The following RTKN variants were observed in gnomAD, a reference collection of about 807,000 sequenced individuals.
The protein encoded by RTKN is rhotekin.
A neutral mutation model predicts 63.5 loss-of-function variants in RTKN; 49 were observed. The observed-to-expected ratio is 0.77, with a 90% CI of 0.61 to 0.98. The LOEUF is 0.98. Among genes scored for constraint, RTKN ranks in the 50% least tolerant of loss-of-function variants. RTKN has a pLI of 0.00. For synonymous variants in RTKN, 295 were observed against 290.4 expected (o/e 1.02, Z -0.16); for missense variants, 685 against 740.8 (o/e 0.92, Z 0.87).
intron 1 of RTKN, chr2:74,439,522 G>A (rs1302730752): frequency 6.2e-7 from 1 of 1,611,664 alleles, no homozygotes; most frequent in Non-Finnish European, 8.5e-7. Context: ...AAGTGAAGGA[G>A]GTGTGTACTC....
intron 9 of RTKN, chr2:74,427,959 A>C: frequency 6.1e-6 from 3 of 493,008 alleles, no homozygotes; most frequent in Non-Finnish European, 7.3e-6. Flanking sequence ...AGAAATGGGA[A>C]GTGGTAAAGT....
At chr2:74,426,874 CAGA>C (rs990698802) in intron 11 of RTKN, 123 of 1,342,426 alleles carry the variant, frequency 9.2e-5, no homozygotes, top group Non-Finnish European at 1.1e-4. Flanking sequence ...AGTGAGGGGT[CAGA>C]AGAAGAGACA....
chr2:74,427,255 C>G lies in RTKN; in HGVS notation c.1274G>C (p.Cys425Ser). Residue 425 changes from cysteine to serine, a missense_variant, in exon 11 of 12, where the codon TGT becomes TCT. By Grantham distance (112) the Cys-to-Ser change is moderately radical (BLOSUM62 -1). Transcript: ENST00000272430. ...FFDMSQWKQC[C>S]DEIMKIETPA... ...AGTTTCAATTTTCATGATTTCATCA[C>G]AGCACTGCTTCCATTGGCCTGGAAG... is the stretch of plus-strand genomic sequence containing the variant. 1 of 1,614,200 alleles carries G rather than the reference C, an allele frequency of 6.2e-7. No homozygotes were observed.
intron 10 of RTKN, 59 bp downstream of exon 10, chr2:74,427,365 G>A (rs199988994): frequency 4.4e-6 from 7 of 1,608,018 alleles, no homozygotes; most frequent in Non-Finnish European, 5.9e-6. Context: ...GAGGCCTTTA[G>A]TAAAAATGAC....
chr2:74,440,507 G>T (rs753141480), intron 1 of RTKN: 6 of 986,738 alleles, frequency 6.1e-6, no homozygotes, highest in Non-Finnish European at 7.2e-6. Context: ...CCGCCTCCAC[G>T]CCAGGCCCAC....
chr2:74,428,159 A>G, intron 9 of RTKN, 109 bp downstream of exon 9: 1 of 1,435,316 alleles, frequency 7.0e-7, no homozygotes. Flanking sequence ...TGTCAGGAGC[A>G]GGAGGCCTGC....
chr2:74,441,887 C>A lies in RTKN; in HGVS notation c.-71G>T. 1.1e-6 allele frequency: 1 copy of A among 908,214 alleles called. No homozygotes were observed. The allele number at this position is 908,214 out of a possible 1,614,324, so 56.3% of individuals were successfully genotyped here. ...GCCCGGCTTAGCCTCCTCTCCTCGG[C>A]TTCTGTCTCTCGACGCTCGTCCGCC... On this transcript the variant is annotated 5_prime_UTR_variant, in exon 1 of 12. Transcript: ENST00000272430.
At chr2:74,428,591 C>A in intron 8 of RTKN, 40 bp downstream of exon 8, 1 of 1,574,684 alleles carries the variant, frequency 6.4e-7, no homozygotes, top group South Asian at 1.1e-5. Context: ...CTCTCCTCTG[C>A]CTTCTCCCTG....
At chr2:74,427,981 G>A (rs1670506020) in intron 9 of RTKN, 2 of 515,326 alleles carry the variant, frequency 3.9e-6, no homozygotes, top group South Asian at 2.5e-5. Context: ...GATATAAATT[G>A]GAATCTGAGG....
intron 1 of RTKN, among the ~76,000 whole-genome samples, chr2:74,433,051 G>A (rs1280436920): frequency 2.0e-5 from 3 of 152,054 alleles, no homozygotes; most frequent in Non-Finnish European, 4.4e-5. Context: ...AGACCATCCC[G>A]GCTAACACGG....
Position 74,441,797 on chromosome 2 carries a change from C to T in RTKN, c.20G>A (p.Arg7Gln), listed in dbSNP as rs1301327771. The change falls in exon 1 of 12, where the codon CGG (arginine) becomes CAG (glutamine). Residue 7 changes from arginine to glutamine, a missense_variant. Transcript: ENST00000272430. MFSRNH[R>Q]SRVTVARGSA... ...GCCCCTGGCCACGGTGACCCGGCTC[C>T]GGTGGTTTCGGGAGAACATGCTGGC... The T allele has an allele frequency of 6.2e-7, 1 of 1,610,738 alleles. No individual in the cohort carries two copies. The highest frequency in any genetic ancestry group is 8.5e-7 in the Non-Finnish European group (1 of 1,179,176).
At position 74,426,131 on chromosome 2, in the gene RTKN, G is replaced by T; in HGVS notation, c.*112C>A. 2.1e-6 allele frequency: 2 copies of T among 951,072 alleles called. No individual in the cohort carries two copies. The highest frequency in any genetic ancestry group is 3.2e-6 in the Non-Finnish European group (2 of 617,710). The allele number at this position is 951,072 out of a possible 1,614,324, so 58.9% of individuals were successfully genotyped here. On this transcript the variant is annotated 3_prime_UTR_variant, in exon 12 of 12. Coordinates refer to ENST00000272430, the MANE Select transcript of RTKN (RefSeq NM_001015055.2). ...TGCAGCCTACCCCAGGTCCAGCAGAGGAACAGGAGGCCAGACTGGCCAACT... is the reference window on the plus strand; with the variant it reads ...TGCAGCCTACCCCAGGTCCAGCAGATGAACAGGAGGCCAGACTGGCCAACT...
chr2:74,440,503 C>A (rs916603006), intron 1 of RTKN: 1 of 986,878 alleles, frequency 1.0e-6, no homozygotes. Context: ...GCCCCCGCCT[C>A]CACGCCAGGC....
At chr2:74,427,354 A>G (rs1670455625) in intron 10 of RTKN, 70 bp downstream of exon 10, 5 of 1,606,618 alleles carry the variant, frequency 3.1e-6, no homozygotes, top group African/African-American at 2.7e-5. Flanking sequence ...ATCTTGAAAC[A>G]GAGGCCTTTA....
chr2:74,434,100 T>A (rs1457677718), intron 1 of RTKN, among the ~76,000 whole-genome samples: 2 of 151,980 alleles, frequency 1.3e-5, no homozygotes. Flanking sequence ...TGGAAAACAT[T>A]TATGATACTT....
chr2:74,434,780 C>T (rs1313395098), intron 1 of RTKN, among the ~76,000 whole-genome samples: 22 of 152,122 alleles, frequency 1.4e-4, no homozygotes, highest in Admixed American at 1.4e-3. Flanking sequence ...AATATTAGAT[C>T]TTTGGAGTTT....
At chr2:74,432,018 T>C (rs2103895904) in intron 2 of RTKN, 1 of 295,156 alleles carries the variant, frequency 3.4e-6, no homozygotes, top group Admixed American at 4.9e-5. Flanking sequence ...ATGGGTAGGC[T>C]TTCCTTAAGT....
At chr2:74,432,261 T>C (rs187843071) in intron 2 of RTKN, 4 of 703,796 alleles carry the variant, frequency 5.7e-6, no homozygotes, top group African/African-American at 3.5e-5. Context: ...CACCGACTTT[T>C]CTAAGTCCTG....
intron 1 of RTKN, chr2:74,439,807 G>T: frequency 7.1e-7 from 1 of 1,409,188 alleles, no homozygotes. Context: ...TCTGGCTGCT[G>T]TGACAAATTT....
Sources: allele counts gnomAD v4.1 joint callset (sites outside exome capture counted in the v4.1 genomes callset), GRCh38; gene constraint gnomAD v4.1.1; transcripts MANE v1.5; gene names NCBI Gene and HGNC (gene_info 2026-07-23, HGNC 2026-07-21).